MRPL50: variants seen among roughly 807,000 people sequenced by gnomAD.
MRPL50 encodes mitochondrial ribosomal protein L50.
Under a neutral mutation model 16.2 loss-of-function variants are expected in MRPL50, and 10 were observed. The ratio of observed to expected loss-of-function variants is 0.62; its 90% CI spans 0.38 to 1.05. The LOEUF is 1.05. Among genes scored for constraint, MRPL50 ranks in the 50% least tolerant of loss-of-function variants. The pLI, the probability that MRPL50 is intolerant of heterozygous loss-of-function variation, is 0.01. For synonymous variants in MRPL50, 68 were observed against 66.8 expected (o/e 1.02, Z -0.09); for missense variants, 213 against 187.1 (o/e 1.14, Z -0.81).
At position 101,391,703 on chromosome 9, in the gene MRPL50, T is replaced by C. The variant is rs181819917; in HGVS notation, c.93-853A>G. ...CACATAACACAAATATTAATAGATC[T>C]AAAGGAAGAGATAGACTACAATACA... On this transcript the variant is annotated intron_variant, in intron 1 of 1. Coordinates refer to ENST00000374865, the MANE Select transcript of MRPL50 (RefSeq NM_019051.3). Among the ~76,000 whole-genome samples, 662 of 152,110 alleles carry C rather than the reference T, an allele frequency of 4.4e-3. 6 individuals are homozygous for C. The highest frequency in any genetic ancestry group is 6.8e-3 in the Non-Finnish European group (459 of 67,948).
chr9:101,390,953 C>T, intron 1 of MRPL50, 103 bp from the exon 2 acceptor site: 1 of 1,247,596 alleles, frequency 8.0e-7, no homozygotes, highest in South Asian at 1.5e-5. Flanking sequence ...TGCTGATTAC[C>T]ACTGGGGACT....
chr9:101,398,389 C>G, intron 1 of MRPL50, 112 bp downstream of exon 1: 2 of 1,028,880 alleles, frequency 1.9e-6, no homozygotes, highest in Non-Finnish European at 3.0e-6. Context: ...CCTCCTTGTC[C>G]TTGCTCTGAT....
chr9:101,390,450 T>G lies in MRPL50; in HGVS notation c.*16A>C. 7 of 1,597,874 alleles carry G rather than the reference T, an allele frequency of 4.4e-6. No individual in the cohort carries two copies. Among genetic ancestry groups the G allele is most frequent in the Non-Finnish European group, 6.0e-6 (7 of 1,171,528 alleles). ...GGGAAAGACAGTGATTTCAATGTGT[T>G]TCTCTTCCGAATTGCTTAGTAACTC... On this transcript the variant is annotated 3_prime_UTR_variant, in exon 2 of 2. Coordinates refer to ENST00000374865, the MANE Select transcript of MRPL50 (RefSeq NM_019051.3).
chr9:101,393,727 A>G (rs1402677353), intron 1 of MRPL50, among the ~76,000 whole-genome samples: 1 of 152,050 alleles, frequency 6.6e-6, no homozygotes, highest in South Asian at 2.1e-4. Context: ...AATAAACTTC[A>G]ACAAAGAAGT....
At chr9:101,392,478 A>G (rs1248476187) in intron 1 of MRPL50, among the ~76,000 whole-genome samples, 3 of 151,934 alleles carry the variant, frequency 2.0e-5, no homozygotes, top group Non-Finnish European at 4.4e-5. Flanking sequence ...TATCACAAAA[A>G]TTTAAAGGCT....
intron 1 of MRPL50, among the ~76,000 whole-genome samples, chr9:101,394,809 A>C (rs573063106): frequency 6.6e-6 from 1 of 152,186 alleles, no homozygotes; most frequent in East Asian, 1.9e-4. Context: ...GGATTATACT[A>C]AACTAAAAAG....
chr9:101,398,385 T>A (rs1036729602), intron 1 of MRPL50, 116 bp downstream of exon 1: 1 of 952,680 alleles, frequency 1.0e-6, no homozygotes, highest in East Asian at 2.5e-5. Flanking sequence ...CGGACCTCCT[T>A]GTCCTTGCTC....
intron 1 of MRPL50, among the ~76,000 whole-genome samples, chr9:101,395,768 G>C (rs1328745353): frequency 6.6e-6 from 1 of 152,044 alleles, no homozygotes; most frequent in East Asian, 1.9e-4. Flanking sequence ...GGCTGGGAAG[G>C]GTAGTGAGGA....
intron 1 of MRPL50, among the ~76,000 whole-genome samples, chr9:101,394,250 G>A (rs138928419): frequency 1.6e-4 from 25 of 152,228 alleles, no homozygotes; most frequent in East Asian, 1.2e-3. Flanking sequence ...TTCAGACTCC[G>A]GCTGCAAGAG....
chr9:101,394,789 T>C (rs2118140477), intron 1 of MRPL50, among the ~76,000 whole-genome samples: 1 of 150,804 alleles, frequency 6.6e-6, no homozygotes, highest in Non-Finnish European at 1.5e-5. Context: ...AGAACAAAAA[T>C]AGACAAATGG....
At position 101,390,071 on chromosome 9, in the gene MRPL50, T is replaced by C; in HGVS notation, c.*395A>G. 1.0e-6 allele frequency: 1 copy of C among 981,152 alleles called. No individual in the cohort carries two copies. The highest frequency in any genetic ancestry group is 1.2e-6 in the Non-Finnish European group (1 of 823,720). The allele number at this position is 981,152 out of a possible 1,614,324, so 60.8% of individuals were successfully genotyped here. A position where few individuals can be genotyped will look rare whatever the true frequency, so the allele number is the denominator to read the frequency against. ...TTTATAGGTATCTATCTAATAAAAG[T>C]TTATTTGTGTATGTGCAATGCATAA... On this transcript the variant is annotated 3_prime_UTR_variant, in exon 2 of 2. Transcript: ENST00000374865.
rs536143561 is a variant in MRPL50 at position 101,387,981 on chromosome 9, C to T, written c.*2485G>A. 2 of 151,884 alleles carry T rather than the reference C, an allele frequency of 1.3e-5. No homozygotes were observed. The highest frequency in any genetic ancestry group is 2.4e-5 in the African/African-American group (1 of 41,348). 9.4% of individuals were successfully genotyped at this position (151,884 alleles called of 1,614,324 possible). ...GATGCCCTCTAGTGGTACTGATGGA[C>T]GTACAGTTTACCTTCCCTGTTAGGA... On this transcript the variant is annotated 3_prime_UTR_variant, in exon 2 of 2. Transcript: ENST00000374865.
rs563058933 is a variant in MRPL50, at chr9:101,398,608, C to T, written c.-16G>A. 60 of 1,612,132 alleles carry T rather than the reference C, an allele frequency of 3.7e-5. No homozygotes were observed. The highest frequency in any genetic ancestry group is 3.2e-4 in the Admixed American group (19 of 60,026). ...GCGCCGCCATCTTCGATGAGATCCA[C>T]GGGCCTGAGCGCAGCCTTCAGCCAG... On this transcript the variant is annotated 5_prime_UTR_variant, in exon 1 of 2. In the 5' UTR this introduces an upstream ATG that the reference lacks. Coordinates refer to ENST00000374865, the MANE Select transcript of MRPL50 (RefSeq NM_019051.3).
intron 1 of MRPL50, among the ~76,000 whole-genome samples, chr9:101,393,582 A>G (rs933425697): frequency 2.0e-5 from 3 of 152,262 alleles, no homozygotes; most frequent in African/African-American, 7.2e-5. Flanking sequence ...GAAATTATAA[A>G]TTCAGTAAAG....
rs547537344 is a variant in MRPL50, at chr9:101,390,288, C to A, written c.*178G>T. ...TCAGCAAATATGAAAATAGAAAGTC[C>A]GTTATTTGTCCATTTGTAATATGAG... On this transcript the variant is annotated 3_prime_UTR_variant, in exon 2 of 2. Transcript: ENST00000374865. 13 of 1,298,702 alleles carry A rather than the reference C, an allele frequency of 1.0e-5. No homozygotes were observed. Among genetic ancestry groups the A allele is most frequent in the East Asian group, 3.0e-5 (1 of 33,706 alleles). The allele number at this position is 1,298,702 out of a possible 1,614,324, so 80.4% of individuals were successfully genotyped here.
At chr9:101,397,019 G>C (rs913303202) in intron 1 of MRPL50, among the ~76,000 whole-genome samples, 2 of 152,136 alleles carry the variant, frequency 1.3e-5, no homozygotes, top group African/African-American at 4.8e-5. Context: ...GAAATGAAGA[G>C]ACGTTGGACA....
chr9:101,390,418 T>A lies in MRPL50; in HGVS notation c.*48A>T, dbSNP rs1000373237. 1.3e-6 allele frequency: 2 copies of A among 1,564,084 alleles called. No homozygotes were observed. The highest frequency in any genetic ancestry group is 2.7e-5 in the African/African-American group (2 of 73,422). ...TCAAAAGATCTAATGAGCAGCCCCC[T>A]TGCTCAGGGAAAGACAGTGATTTCA... On this transcript the variant is annotated 3_prime_UTR_variant, in exon 2 of 2. Transcript: ENST00000374865.
chr9:101,393,763 A>C (rs1830303764), intron 1 of MRPL50, among the ~76,000 whole-genome samples: 1 of 152,092 alleles, frequency 6.6e-6, no homozygotes, highest in African/African-American at 2.4e-5. Flanking sequence ...TAAAAACTAT[A>C]AAACACTGAT....
Position 101,398,503 on chromosome 9 carries a change from G to C in MRPL50, c.90C>G (p.Phe30Leu), listed in dbSNP as rs1343405303. 1.2e-6 allele frequency: 2 copies of C among 1,613,642 alleles called. No homozygotes were observed. Among genetic ancestry groups the C allele is most frequent in the Admixed American group, 1.7e-5 (1 of 60,008 alleles). Residue 30 changes from phenylalanine to leucine, a missense_variant and splice_region_variant, in exon 1 of 2, where the codon TTC becomes TTG. Phe to Leu is a conservative substitution (Grantham distance 22). Coordinates refer to ENST00000374865, the MANE Select transcript of MRPL50 (RefSeq NM_019051.3). ...CACCGTCCACCATAAAGCTTTACCT[G>C]AATCGAGACCAAAATTCTCTACATG... is the stretch of plus-strand genomic sequence containing the variant. ...GTPCREFWSR[F>L]RKEKEPVVVE...
Sources: gnomAD v4.1 joint callset for allele counts (sites outside exome capture counted in the v4.1 genomes callset) on GRCh38, gnomAD v4.1.1 for gene constraint, MANE v1.5 for transcripts, NCBI Gene and HGNC (gene_info 2026-07-23, HGNC 2026-07-21) for gene names.